Variants in FRRS1 observed in about 807,000 individuals in gnomAD.
FRRS1 encodes ferric reductase 1.
FRRS1 carries 51 observed loss-of-function variants against 70.7 expected under a neutral mutation model. That is an observed-to-expected ratio of 0.72 (90% CI 0.58 to 0.91). The LOEUF (loss-of-function observed/expected upper bound fraction) is 0.91. Among genes scored for constraint, FRRS1 ranks in the 40% least tolerant of loss-of-function variants. The probability of loss-of-function intolerance (pLI) is 0.00; values close to 1 mark genes in which losing one functional copy is unlikely to be tolerated. For synonymous variants in FRRS1, 225 were observed against 238.7 expected, an observed-to-expected ratio of 0.94 and a Z score of 0.53; for missense variants, 672 against 726.0, an observed-to-expected ratio of 0.93 and a Z score of 0.86.
chr1:99,749,223 C>T (rs181624264), intron 1 of FRRS1, among the ~76,000 whole-genome samples: 2 of 152,146 alleles, frequency 1.3e-5, no homozygotes, highest in Admixed American at 6.5e-5. Flanking sequence ...TTGGTAGAGA[C>T]GGAGTTACAC....
chr1:99,719,761 T>C (rs1485432555), intron 9 of FRRS1, 114 bp from the exon 10 acceptor site: 1 of 613,448 alleles, frequency 1.6e-6, no homozygotes, highest in Non-Finnish European at 2.9e-6. Flanking sequence ...TAATAAAAAA[T>C]AATTAAATAT....
chr1:99,722,670 A>G (rs1308771807), intron 9 of FRRS1, among the ~76,000 whole-genome samples: 1 of 152,236 alleles, frequency 6.6e-6, no homozygotes, highest in African/African-American at 2.4e-5. Flanking sequence ...TTCTTATTAA[A>G]GTTAGAAACA....
Position 99,729,680 on chromosome 1 carries a change from C to T in FRRS1, c.828G>A (p.Thr276=), listed in dbSNP as rs753258258. 6.2e-5 allele frequency: 100 copies of T among 1,613,024 alleles called. No individual in the cohort carries two copies. The highest frequency in any genetic ancestry group is 7.5e-5 in the Non-Finnish European group (89 of 1,179,312). ...QTVYIQPSHL[T]GRSHPVMDSR... is the part of the protein sequence containing the mutation. ...AGTCCATTACAGGGTGACTTCGCCC[C>T]GTTAAATGGGAAGGCTGGATGTACA... Residue 276 remains threonine (T), a synonymous_variant, in exon 8 of 17, where the codon ACG becomes ACA. Coordinates refer to ENST00000646001, the MANE Select transcript of FRRS1 (RefSeq NM_001361041.2).
chr1:99,762,712 T>A (rs1657169593), intron 1 of FRRS1, among the ~76,000 whole-genome samples: 1 of 152,168 alleles, frequency 6.6e-6, no homozygotes, highest in African/African-American at 2.4e-5. Flanking sequence ...ACTTTCCTAA[T>A]CTGATGGTGG....
rs575737541 is a variant in FRRS1 at position 99,737,937 on chromosome 1, T to G, written c.759+149A>C. The G allele has an allele frequency of 8.1e-6, 5 of 615,532 alleles. No individual in the cohort carries two copies. The African/African-American group carries it at 9.5e-5, about 12-fold the overall frequency. 38.1% of individuals were successfully genotyped at this position (615,532 alleles called of 1,614,324 possible). A position where few individuals can be genotyped will look rare whatever the true frequency, so the allele number is the denominator to read the frequency against. ...TTTGTATTTTTAGTAGAGGTGGGGT[T>G]TCACCATCTCGGCCAGGCTGGTCTT... is the stretch of plus-strand genomic sequence containing the variant. On this transcript the variant is annotated intron_variant, in intron 7 of 16. Transcript: ENST00000646001.
chr1:99,761,131 G>T (rs576324788), intron 1 of FRRS1, among the ~76,000 whole-genome samples: 6 of 151,554 alleles, frequency 4.0e-5, no homozygotes, highest in East Asian at 3.9e-4. Context: ...ATTTTGTTTT[G>T]GGGGGGTGGG....
rs555767332 is a variant in FRRS1 at position 99,716,353 on chromosome 1, T to C, written c.1237-681A>G. Among the ~76,000 whole-genome samples the C allele has an allele frequency of 2.0e-5, 3 of 152,302 alleles. No individual in the cohort carries two copies. The South Asian group carries it at 6.2e-4, about 32-fold the overall frequency. On this transcript the variant is annotated intron_variant, in intron 11 of 16. Coordinates refer to ENST00000646001, the MANE Select transcript of FRRS1 (RefSeq NM_001361041.2). ...CTATGACATGTATGTACACACATCA[T>C]CAGCATCATAAATTTAAAGGCAGTG... is the stretch of plus-strand genomic sequence containing the variant.
intron 3 of FRRS1, 158 bp downstream of exon 3, chr1:99,748,415 G>T (rs1656396488): frequency 4.8e-6 from 3 of 625,028 alleles, no homozygotes; most frequent in Non-Finnish European, 8.4e-6. Flanking sequence ...GACTACTTAA[G>T]TAATACAGTC....
chr1:99,741,385 T>C (rs1335288604), intron 5 of FRRS1, among the ~76,000 whole-genome samples: 1 of 152,220 alleles, frequency 6.6e-6, no homozygotes, highest in East Asian at 1.9e-4. Flanking sequence ...ACCCCCTTTT[T>C]CACATTCCAT....
At chr1:99,763,812 G>C (rs558752532) in intron 1 of FRRS1, among the ~76,000 whole-genome samples, 2 of 149,250 alleles carry the variant, frequency 1.3e-5, no homozygotes, top group Non-Finnish European at 3.0e-5. Context: ...AGGTTGAGGT[G>C]AGCCGAGATG....
chr1:99,713,950 A>G (rs555115656), intron 12 of FRRS1, among the ~76,000 whole-genome samples: 4 of 152,230 alleles, frequency 2.6e-5, no homozygotes, highest in East Asian at 3.9e-4. Flanking sequence ...CCAGGCAGAA[A>G]GAAGAATCAT....
At chr1:99,709,681 C>T (rs1199369940) in intron 15 of FRRS1, among the ~76,000 whole-genome samples, 2 of 152,024 alleles carry the variant, frequency 1.3e-5, no homozygotes, top group African/African-American at 4.8e-5. Flanking sequence ...AGACAGTAAG[C>T]CATCAGCCAA....
intron 9 of FRRS1, among the ~76,000 whole-genome samples, chr1:99,725,646 C>T (rs1655049481): frequency 6.6e-6 from 1 of 152,194 alleles, no homozygotes; most frequent in African/African-American, 2.4e-5. Flanking sequence ...CCTCCCATGC[C>T]ATCAGCACAG....
At chr1:99,763,608 C>T (rs368407047) in intron 1 of FRRS1, among the ~76,000 whole-genome samples, 7 of 152,214 alleles carry the variant, frequency 4.6e-5, no homozygotes, top group South Asian at 2.1e-4. Context: ...GTGGCTGACA[C>T]CTGTAATCCC....
rs1164188158 is a variant in FRRS1, at chr1:99,708,848, A to G, written c.*180T>C. ...AGGGCATGACATTAATTTATAGTCT[A>G]TATGACCCTCTTGAATGTTGTTCTC... On this transcript the variant is annotated 3_prime_UTR_variant, in exon 17 of 17. Transcript: ENST00000646001. The G allele has an allele frequency of 7.8e-7, 1 of 1,284,448 alleles. No homozygotes were observed. The highest frequency in any genetic ancestry group is 1.2e-5 in the South Asian group (1 of 83,300). The allele number at this position is 1,284,448 out of a possible 1,614,324, so 79.6% of individuals were successfully genotyped here.
At chr1:99,759,072 T>C (rs1211474453) in intron 1 of FRRS1, among the ~76,000 whole-genome samples, 2 of 152,226 alleles carry the variant, frequency 1.3e-5, no homozygotes, top group African/African-American at 4.8e-5. Context: ...ACATAGACCC[T>C]TATCAGTAGT....
At chr1:99,763,712 T>C (rs536593067) in intron 1 of FRRS1, among the ~76,000 whole-genome samples, 1 of 151,752 alleles carries the variant, frequency 6.6e-6, no homozygotes, top group African/African-American at 2.4e-5. Flanking sequence ...CTACTAAAAA[T>C]ACAAAAGTAG....
At chr1:99,738,016 C>G in intron 7 of FRRS1, 70 bp downstream of exon 7, 2 of 1,290,228 alleles carry the variant, frequency 1.6e-6, no homozygotes, top group Non-Finnish European at 2.2e-6. Context: ...GCTGGGATTA[C>G]AGGCATGAGC....
chr1:99,733,827 A>G (rs1372445664), intron 7 of FRRS1, among the ~76,000 whole-genome samples: 2 of 152,234 alleles, frequency 1.3e-5, no homozygotes, highest in East Asian at 1.9e-4. Context: ...GCTATTGGGG[A>G]ACAGATTATT....
Sources: allele counts gnomAD v4.1 joint callset (sites outside exome capture counted in the v4.1 genomes callset), GRCh38; gene constraint gnomAD v4.1.1; transcripts MANE v1.5; gene names NCBI Gene and HGNC (gene_info 2026-07-23, HGNC 2026-07-21).